Variants in CHST11 observed in about 807,000 individuals in gnomAD.
The protein encoded by CHST11 is carbohydrate sulfotransferase 11, also known as C4S-1.
Under a neutral mutation model 30.4 loss-of-function variants are expected in CHST11, and 9 were observed. The ratio of observed to expected loss-of-function variants is 0.30; its 90% CI spans 0.18 to 0.52. CHST11 has a LOEUF of 0.52. CHST11 is among the 20% of genes least tolerant of loss of function. CHST11 has a pLI of 0.97. For missense variants in CHST11, 348 were observed against 460.6 expected, an observed-to-expected ratio of 0.76 and a Z score of 2.24; for synonymous variants, 152 against 187.8, an observed-to-expected ratio of 0.81 and a Z score of 1.56.
At chr12:104,516,654 C>T (rs2038026236) in intron 1 of CHST11, among the ~76,000 whole-genome samples, 1 of 151,982 alleles carries the variant, frequency 6.6e-6, no homozygotes, top group Admixed American at 6.5e-5. Context: ...CTCTGAGGCT[C>T]CCTGGTAACA....
chr12:104,661,049 G>A (rs117476504), intron 2 of CHST11, among the ~76,000 whole-genome samples: 499 of 152,312 alleles, frequency 3.3e-3, no homozygotes, highest in Admixed American at 5.6e-3. Flanking sequence ...CCTGGGAAGG[G>A]TGATGTAGCT....
intron 1 of CHST11, among the ~76,000 whole-genome samples, chr12:104,472,352 C>G (rs927353161): frequency 1.3e-5 from 2 of 151,870 alleles, no homozygotes; most frequent in African/African-American, 4.8e-5. Context: ...TCTTAAGGCT[C>G]AACATGTTAA....
At chr12:104,559,560 T>C (rs750733041) in intron 1 of CHST11, among the ~76,000 whole-genome samples, 4 of 152,076 alleles carry the variant, frequency 2.6e-5, no homozygotes, top group Non-Finnish European at 4.4e-5. Flanking sequence ...CTGACCAACA[T>C]GGTAAAACCC....
intron 2 of CHST11, among the ~76,000 whole-genome samples, chr12:104,610,041 C>CTGTGTGTGTG (rs1491162351): frequency 1.7e-5 from 2 of 120,536 alleles, no homozygotes; most frequent in African/African-American, 6.6e-5. Context: ...CCATGAGTGC[C>CTGTGTGTGTG]TCTGTGTGTG....
chr12:104,547,858 C>G (rs921648013), intron 1 of CHST11, among the ~76,000 whole-genome samples: 1 of 152,114 alleles, frequency 6.6e-6, no homozygotes, highest in African/African-American at 2.4e-5. Context: ...ACTTTTGCCC[C>G]TGATTCTTGT....
chr12:104,682,140 G>GT (rs1226454875), intron 2 of CHST11, among the ~76,000 whole-genome samples: 1 of 152,036 alleles, frequency 6.6e-6, no homozygotes, highest in Non-Finnish European at 1.5e-5. Flanking sequence ...GCCTGTTTTG[G>GT]TTTTTTAAAA....
intron 2 of CHST11, among the ~76,000 whole-genome samples, chr12:104,607,323 C>T (rs1465113863): frequency 3.3e-5 from 5 of 152,072 alleles, no homozygotes; most frequent in Admixed American, 6.5e-5. Flanking sequence ...GGGGCAGTTG[C>T]GGGGGACTCT....
chr12:104,695,899 G>T (rs912319150), intron 2 of CHST11, among the ~76,000 whole-genome samples: 12 of 152,162 alleles, frequency 7.9e-5, no homozygotes, highest in African/African-American at 2.9e-4. Context: ...GAGCCAACCC[G>T]ATGAATAACG....
At chr12:104,597,625 A>G (rs200834407) in intron 1 of CHST11, among the ~76,000 whole-genome samples, 2 of 151,390 alleles carry the variant, frequency 1.3e-5, no homozygotes, top group East Asian at 3.9e-4. Flanking sequence ...GCACCACAGC[A>G]ACAAATGAAT....
chr12:104,664,822 T>G (rs573259017), intron 2 of CHST11, among the ~76,000 whole-genome samples: 1 of 152,350 alleles, frequency 6.6e-6, no homozygotes, highest in East Asian at 1.9e-4. Context: ...TTGCAAGAAC[T>G]GTTTCATGGA....
intron 2 of CHST11, among the ~76,000 whole-genome samples, chr12:104,718,584 C>T (rs1468593121): frequency 6.6e-6 from 1 of 152,142 alleles, no homozygotes; most frequent in Non-Finnish European, 1.5e-5. Context: ...CAAAACACTC[C>T]CTGCCACCTG....
chr12:104,567,631 A>AT (rs1269970325), intron 1 of CHST11, among the ~76,000 whole-genome samples: 1 of 151,892 alleles, frequency 6.6e-6, no homozygotes, highest in Non-Finnish European at 1.5e-5. Context: ...TCTCCTGTGA[A>AT]TTTTTTCCTG....
chr12:104,745,546 G>T (rs2040383338), intron 2 of CHST11, among the ~76,000 whole-genome samples: 1 of 152,160 alleles, frequency 6.6e-6, no homozygotes, highest in South Asian at 2.1e-4. Flanking sequence ...CCATTTTAAT[G>T]ATATTGATTC....
At chr12:104,543,749 T>A (rs2038307630) in intron 1 of CHST11, among the ~76,000 whole-genome samples, 1 of 152,056 alleles carries the variant, frequency 6.6e-6, no homozygotes, top group Admixed American at 6.5e-5. Context: ...CTTACCCATC[T>A]CCCCTGCCCC....
chr12:104,582,058 T>C (rs1380772767), intron 1 of CHST11, among the ~76,000 whole-genome samples: 1 of 152,150 alleles, frequency 6.6e-6, no homozygotes, highest in African/African-American at 2.4e-5. Context: ...TTTCATCCAG[T>C]CTAAGAAGAC....
Position 104,632,862 on chromosome 12 carries a change from C to T in CHST11, c.204+30871C>T, listed in dbSNP as rs530562426. The stretch of plus-strand genomic sequence containing the variant: ...CCCAGTACACTGAAGCTATCGCTGA[C>T]GTTAAGGAGCCTCTTCTAAGCTGGG... On this transcript the variant is annotated intron_variant, in intron 2 of 2. Transcript: ENST00000303694. Among the ~76,000 whole-genome samples, 6 of 152,334 alleles carry T rather than the reference C, an allele frequency of 3.9e-5. No homozygotes were observed. The South Asian group carries it at 8.3e-4, about 21-fold the overall frequency.
At chr12:104,504,802 CT>C (rs1390545078) in intron 1 of CHST11, among the ~76,000 whole-genome samples, 6 of 152,062 alleles carry the variant, frequency 3.9e-5, no homozygotes, top group African/African-American at 1.4e-4. Flanking sequence ...ACCCATCCCC[CT>C]GTCTTGAAAA....
At chr12:104,574,673 C>A (rs1487683260) in intron 1 of CHST11, among the ~76,000 whole-genome samples, 3 of 151,054 alleles carry the variant, frequency 2.0e-5, no homozygotes, top group Non-Finnish European at 2.9e-5. Context: ...AACACTTGAA[C>A]ACAGGAAGGG....
chr12:104,690,273 T>C (rs1035998514), intron 2 of CHST11, among the ~76,000 whole-genome samples: 3 of 152,234 alleles, frequency 2.0e-5, no homozygotes, highest in Admixed American at 6.5e-5. Context: ...GATTTTGTTT[T>C]GGGACTCCGT....
Sources: gnomAD v4.1 joint callset for allele counts (sites outside exome capture counted in the v4.1 genomes callset) on GRCh38, gnomAD v4.1.1 for gene constraint, MANE v1.5 for transcripts, NCBI Gene and HGNC (gene_info 2026-07-23, HGNC 2026-07-21) for gene names.